MAF: variants seen among roughly 807,000 people sequenced by gnomAD.
MAF encodes transcription factor Maf.
A neutral mutation model predicts 22.0 loss-of-function variants in MAF; 10 were observed. That is an observed-to-expected ratio of 0.45 (90% CI 0.28 to 0.77). The LOEUF (loss-of-function observed/expected upper bound fraction) is 0.77, where lower values mean the gene tolerates loss of function less well. MAF is among the 30% of genes least tolerant of loss of function. The pLI is 0.12. For synonymous variants in MAF, 337 were observed against 255.8 expected (o/e 1.32, Z -3.03); for missense variants, 544 against 548.4 (o/e 0.99, Z 0.08).
At chr16:79,496,088 T>C in the MAF span, among the ~76,000 whole-genome samples, 1 of 152,214 alleles carries the variant, frequency 6.6e-6, no homozygotes, top group Non-Finnish European at 1.5e-5. Flanking sequence ...AGCTAAGCTA[T>C]GCCCAACTTC....
the MAF span, among the ~76,000 whole-genome samples, chr16:79,441,659 C>T: frequency 5.3e-5 from 8 of 152,312 alleles, no homozygotes; most frequent in South Asian, 1.0e-3. Context: ...AAGACAGTGG[C>T]CTGCCCTGGC....
chr16:79,314,253 G>C, the MAF span, among the ~76,000 whole-genome samples: 1 of 152,172 alleles, frequency 6.6e-6, no homozygotes, highest in East Asian at 1.9e-4. Context: ...ACCCTTCCTA[G>C]AGAAGCAGCA....
chr16:79,231,407 A>T, the MAF span, among the ~76,000 whole-genome samples: 1 of 152,106 alleles, frequency 6.6e-6, no homozygotes, highest in Non-Finnish European at 1.5e-5. Flanking sequence ...TCAAGGATGT[A>T]GTCTAAATCA....
chr16:79,283,886 C>T, the MAF span, among the ~76,000 whole-genome samples: 1 of 150,034 alleles, frequency 6.7e-6, no homozygotes, highest in East Asian at 2.0e-4. Context: ...GTGTCTCCTG[C>T]ACGGGGTAGC....
chr16:79,477,285 C>T, the MAF span, among the ~76,000 whole-genome samples: 2 of 152,182 alleles, frequency 1.3e-5, no homozygotes, highest in Admixed American at 1.3e-4. Context: ...TCAAGAGAAG[C>T]AGGACCCTGG....
chr16:79,484,105 C>T, the MAF span, among the ~76,000 whole-genome samples: 102,709 of 152,048 alleles, frequency 0.68, 35,239 homozygotes, highest in Middle Eastern at 0.81. Flanking sequence ...TGGCACAGCA[C>T]CCCTTGATGG....
At chr16:79,222,706 A>G in the MAF span, among the ~76,000 whole-genome samples, 22,361 of 152,148 alleles carry the variant, frequency 0.15, 2,226 homozygotes, top group African/African-American at 0.29. Flanking sequence ...TGGGAAGAAA[A>G]AAAAGCAGGG....
chr16:79,332,707 C>T, the MAF span, among the ~76,000 whole-genome samples: 1 of 152,244 alleles, frequency 6.6e-6, no homozygotes, highest in Non-Finnish European at 1.5e-5. Flanking sequence ...GAGCGCAGTA[C>T]TATTACAAGT....
the MAF span, among the ~76,000 whole-genome samples, chr16:79,438,441 T>G: frequency 6.6e-6 from 1 of 152,178 alleles, no homozygotes; most frequent in Non-Finnish European, 1.5e-5. Context: ...CCGGCTTCAC[T>G]GCCAAGGAGA....
the MAF span, among the ~76,000 whole-genome samples, chr16:79,299,848 C>T: frequency 3.0e-3 from 463 of 152,294 alleles, 3 homozygotes; most frequent in African/African-American, 0.011. Flanking sequence ...ATTTAAAAGG[C>T]TTTATCCTTT....
At chr16:79,489,970 G>C in the MAF span, among the ~76,000 whole-genome samples, 2 of 152,190 alleles carry the variant, frequency 1.3e-5, no homozygotes, top group African/African-American at 4.8e-5. Flanking sequence ...TCAGGAGGTA[G>C]AGCATAAGGT....
the MAF span, among the ~76,000 whole-genome samples, chr16:79,366,119 A>T: frequency 2.0e-5 from 3 of 152,198 alleles, no homozygotes; most frequent in African/African-American, 7.2e-5. Flanking sequence ...GTTGCTAAGA[A>T]CACCCCTGGT....
At position 79,598,994 on chromosome 16, in the gene MAF, C is replaced by T. The variant is rs752490523; in HGVS notation, c.909G>A (p.Gln303=). ...RRTLKNRGYA[Q]SCRFKRVQQR... ...GCTGCACCCTCTTGAAGCGGCAGGACTGGGCATAGCCGCGGTTTTTCAGGG... is the reference window on the plus strand; with the variant it reads ...GCTGCACCCTCTTGAAGCGGCAGGATTGGGCATAGCCGCGGTTTTTCAGGG... The change falls in exon 1 of 2, where the codon CAG becomes CAA. Residue 303 remains glutamine (Q), a synonymous_variant. Coordinates refer to ENST00000326043, the MANE Select transcript of MAF (RefSeq NM_005360.5). 3.1e-6 allele frequency: 5 copies of T among 1,613,842 alleles called. No homozygotes were observed. The highest frequency in any genetic ancestry group is 4.2e-6 in the Non-Finnish European group (5 of 1,179,950).
At chr16:79,465,022 C>T in the MAF span, among the ~76,000 whole-genome samples, 1 of 152,186 alleles carries the variant, frequency 6.6e-6, no homozygotes, top group African/African-American at 2.4e-5. Flanking sequence ...GGTGGATAGT[C>T]ATCCAGATCT....
At chr16:79,213,015 A>G in the MAF span, 1 of 112,184 alleles carries the variant, frequency 8.9e-6, no homozygotes, top group Non-Finnish European at 2.0e-5. Context: ...CTCCCCTGCA[A>G]TTAGCAAGTA....
the MAF span, among the ~76,000 whole-genome samples, chr16:79,303,801 A>T: frequency 1.3e-5 from 2 of 152,200 alleles, no homozygotes; most frequent in Non-Finnish European, 2.9e-5. Context: ...AAGCAGAGAA[A>T]AAGCAAGTTA....
At chr16:79,592,370 G>C (rs1388938323), downstream of MAF, among the ~76,000 whole-genome samples, 2 of 152,190 alleles carry the variant, frequency 1.3e-5, no homozygotes, top group Non-Finnish European at 2.9e-5. Context: ...ACAGAGCTGG[G>C]TTTGTTCAGG....
the MAF span, among the ~76,000 whole-genome samples, chr16:79,306,001 C>G: frequency 6.6e-6 from 1 of 152,180 alleles, no homozygotes; most frequent in African/African-American, 2.4e-5. Context: ...TTTTTGGCTT[C>G]ACTGGTAACA....
At chr16:79,556,675 T>C in the MAF span, among the ~76,000 whole-genome samples, 1 of 152,330 alleles carries the variant, frequency 6.6e-6, no homozygotes, top group South Asian at 2.1e-4. Context: ...ATTCTTCATC[T>C]TAAATCAAAC....
Sources: allele counts gnomAD v4.1 joint callset (sites outside exome capture counted in the v4.1 genomes callset), GRCh38; gene constraint gnomAD v4.1.1; transcripts MANE v1.5; gene names NCBI Gene and HGNC (gene_info 2026-07-23, HGNC 2026-07-21).